SUCO: variants seen among roughly 807,000 people sequenced by gnomAD.
The protein encoded by SUCO is SUN domain-containing ossification factor.
A neutral mutation model predicts 148.1 loss-of-function variants in SUCO; 57 were observed. The ratio of observed to expected loss-of-function variants is 0.38; its 90% confidence interval spans 0.31 to 0.48. The LOEUF (loss-of-function observed/expected upper bound fraction) is 0.48, where lower values mean the gene tolerates loss of function less well. Among genes scored for constraint, SUCO ranks in the 20% least tolerant of loss-of-function variants. The pLI is 0.96. For synonymous variants in SUCO, 470 were observed against 502.7 expected (o/e 0.93, Z 0.87); for missense variants, 1,331 against 1,468.2 (o/e 0.91, Z 1.53).
intron 18 of SUCO, 63 bp downstream of exon 18, chr1:172,589,989 G>T: frequency 7.6e-7 from 1 of 1,314,030 alleles, no homozygotes; most frequent in Non-Finnish European, 1.0e-6. Flanking sequence ...CATAGAGTAT[G>T]ACCTGTGATT....
rs766331431 is a variant in SUCO, at chr1:172,575,509, A to G, written c.1158-9A>G. 1.2e-5 allele frequency: 19 copies of G among 1,578,358 alleles called. No individual in the cohort carries two copies. The highest frequency in any genetic ancestry group is 7.8e-5 in the South Asian group (7 of 89,644). ...TTTTAAAAAAGAACATATTGCTTAT[A>G]TTTTTTAGATATCCAACAAATAAGT... On this transcript the variant is annotated splice_polypyrimidine_tract_variant and intron_variant, in intron 10 of 23. Transcript: ENST00000263688.
At position 172,533,241 on chromosome 1, in the gene SUCO, T is replaced by C; in HGVS notation, c.-195T>C. 6.5e-7 allele frequency: 1 copy of C among 1,547,194 alleles called. No individual in the cohort carries two copies. The highest frequency in any genetic ancestry group is 2.0e-5 in the Admixed American group (1 of 50,870). Reference sequence around the variant, plus strand: ...CCCGGAGTCCTGTGAAGCGCCCCTGTCCGCGCCTCTGTGGGGCCCTCAGAG... The same window carrying C: ...CCCGGAGTCCTGTGAAGCGCCCCTGCCCGCGCCTCTGTGGGGCCCTCAGAG... On this transcript the variant is annotated 5_prime_UTR_variant, in exon 1 of 24. Coordinates refer to ENST00000263688, the MANE Select transcript of SUCO (RefSeq NM_014283.5).
At chr1:172,577,259 AT>A (rs1655515185) in intron 11 of SUCO, 1 of 167,172 alleles carries the variant, frequency 6.0e-6, no homozygotes, top group African/African-American at 2.4e-5. Flanking sequence ...TAACAGCTAT[AT>A]AAAATAACAG....
At chr1:172,568,226 C>T (rs1246597718) in intron 6 of SUCO, 1 of 827,024 alleles carries the variant, frequency 1.2e-6, no homozygotes, top group East Asian at 1.2e-4. Flanking sequence ...TATATGATAT[C>T]TCAGGCTTTC....
rs1195586160 is a variant in SUCO at position 172,579,183 on chromosome 1, T to C, written c.1433-19T>C. On this transcript the variant is annotated intron_variant, in intron 14 of 23. Transcript: ENST00000263688. ...GAGCTAGATCTCAGCATAATTACTT[T>C]TATTTTCGTTTTTAACAGATTATCC... 6.9e-7 allele frequency: 1 copy of C among 1,440,604 alleles called. No individual in the cohort carries two copies. Among genetic ancestry groups the C allele is most frequent in the East Asian group, 2.3e-5 (1 of 43,720 alleles). The allele number at this position is 1,440,604 out of a possible 1,614,324, so 89.2% of individuals were successfully genotyped here.
intron 1 of SUCO, among the ~76,000 whole-genome samples, chr1:172,539,406 A>G (rs1257989448): frequency 6.6e-6 from 1 of 152,336 alleles, no homozygotes; most frequent in African/African-American, 2.4e-5. Context: ...CAAATTGTAC[A>G]TGTCACAAGG....
chr1:172,598,543 T>G (rs1426743701), intron 19 of SUCO, among the ~76,000 whole-genome samples: 2 of 152,218 alleles, frequency 1.3e-5, no homozygotes, highest in African/African-American at 4.8e-5. Context: ...CATCTTAATA[T>G]TAAGGCTTCT....
At chr1:172,551,799 TTA>T in intron 2 of SUCO, 173 bp downstream of exon 2, 1 of 540,420 alleles carries the variant, frequency 1.9e-6, no homozygotes, top group Middle Eastern at 4.9e-4. Flanking sequence ...TCAGAGATAT[TTA>T]TATGTTTATT....
intron 19 of SUCO, chr1:172,599,443 C>G (rs1380134660): frequency 1.2e-6 from 1 of 836,782 alleles, no homozygotes; most frequent in Admixed American, 6.2e-5. Context: ...ATAAATAAGA[C>G]ATCTTTGTTG....
At chr1:172,578,467 G>A in intron 14 of SUCO, 78 bp downstream of exon 14, 4 of 1,462,890 alleles carry the variant, frequency 2.7e-6, no homozygotes, top group Non-Finnish European at 3.7e-6. Flanking sequence ...GGGGAGTATA[G>A]CTTACTTAAA....
At chr1:172,535,003 A>G (rs1284143310) in intron 1 of SUCO, among the ~76,000 whole-genome samples, 1 of 152,214 alleles carries the variant, frequency 6.6e-6, no homozygotes, top group Admixed American at 6.5e-5. Flanking sequence ...AAATCAAGCA[A>G]TAGAATGTGA....
At chr1:172,593,928 TATTA>T (rs1249194588) in intron 19 of SUCO, among the ~76,000 whole-genome samples, 15 of 152,212 alleles carry the variant, frequency 9.9e-5, no homozygotes, top group Non-Finnish European at 2.2e-4. Flanking sequence ...GTTGGTAGGC[TATTA>T]ATTATTGCCT....
chr1:172,572,587 A>T (rs1655114197), intron 9 of SUCO, among the ~76,000 whole-genome samples: 1 of 151,170 alleles, frequency 6.6e-6, no homozygotes, highest in Non-Finnish European at 1.5e-5. Flanking sequence ...TCCTCTGCAT[A>T]GGAAAACCAG....
At chr1:172,603,883 A>T (rs1417028585) in intron 22 of SUCO, among the ~76,000 whole-genome samples, 3 of 151,952 alleles carry the variant, frequency 2.0e-5, no homozygotes, top group Non-Finnish European at 4.4e-5. Context: ...TTATATAGGT[A>T]TACTGTACAT....
At chr1:172,594,951 G>C (rs1656980757) in intron 19 of SUCO, among the ~76,000 whole-genome samples, 1 of 152,206 alleles carries the variant, frequency 6.6e-6, no homozygotes, top group South Asian at 2.1e-4. Flanking sequence ...CTTGCTTCAT[G>C]AATCTGGGTG....
chr1:172,587,306 T>A (rs1007816085), intron 17 of SUCO, among the ~76,000 whole-genome samples: 1 of 152,080 alleles, frequency 6.6e-6, no homozygotes, highest in African/African-American at 2.4e-5. Context: ...CATGATAGGA[T>A]GTCACTGTTA....
At chr1:172,572,204 A>C (rs965038692) in intron 9 of SUCO, among the ~76,000 whole-genome samples, 8 of 148,476 alleles carry the variant, frequency 5.4e-5, no homozygotes, top group African/African-American at 2.0e-4. Flanking sequence ...AGGTGTACCC[A>C]ACAGCTCATT....
At chr1:172,557,202 A>G (rs1653814376) in intron 4 of SUCO, 78 bp from the exon 5 acceptor site, 1 of 1,489,900 alleles carries the variant, frequency 6.7e-7, no homozygotes, top group Non-Finnish European at 9.0e-7. Context: ...TGTTTTGGAA[A>G]TCACTAATAG....
chr1:172,607,595 G>T (rs1180038780), intron 22 of SUCO, among the ~76,000 whole-genome samples: 1 of 151,520 alleles, frequency 6.6e-6, no homozygotes, highest in African/African-American at 2.4e-5. Flanking sequence ...GACTGTCCGG[G>T]TTCCCACTTT....
Sources: gnomAD v4.1 joint callset for allele counts (sites outside exome capture counted in the v4.1 genomes callset) on GRCh38, gnomAD v4.1.1 for gene constraint, MANE v1.5 for transcripts, NCBI Gene and HGNC (gene_info 2026-07-23, HGNC 2026-07-21) for gene names.